Variants in CSMD3 observed in about 807,000 individuals in gnomAD.
CSMD3 encodes the protein CUB and Sushi multiple domains 3, also known as CUB and sushi domain-containing protein 3.
A neutral mutation model predicts 435.2 loss-of-function variants in CSMD3; 177 were observed. The ratio of observed to expected loss-of-function variants is 0.41; its 90% CI spans 0.36 to 0.46. CSMD3 has a LOEUF of 0.46. Ranked by LOEUF, CSMD3 falls within the 20% of genes least tolerant of loss-of-function variation. CSMD3 has a pLI of 0.34. For synonymous variants in CSMD3, 1,656 were observed against 1,520.5 expected (o/e 1.09, Z -2.07); for missense variants, 4,265 against 4,504.6 (o/e 0.95, Z 1.52).
chr8:112,679,986 C>T (rs920679866), intron 16 of CSMD3, among the ~76,000 whole-genome samples: 1 of 152,204 alleles, frequency 6.6e-6, no homozygotes, highest in African/African-American at 2.4e-5. Flanking sequence ...TCCTCCCCTG[C>T]AGTCACACTG....
At chr8:112,770,386 A>G (rs1347328040) in intron 13 of CSMD3, among the ~76,000 whole-genome samples, 2 of 152,022 alleles carry the variant, frequency 1.3e-5, no homozygotes, top group Non-Finnish European at 2.9e-5. Context: ...GAAGCGTTCA[A>G]GGCACCATCT....
chr8:113,426,467 A>G (rs970378498), intron 1 of CSMD3, among the ~76,000 whole-genome samples: 2 of 151,278 alleles, frequency 1.3e-5, no homozygotes, highest in Non-Finnish European at 3.0e-5. Context: ...CAAATAAGAT[A>G]ACTCCCATAA....
intron 1 of CSMD3, among the ~76,000 whole-genome samples, chr8:113,350,418 A>C (rs1182490746): frequency 1.3e-5 from 2 of 152,130 alleles, no homozygotes; most frequent in Non-Finnish European, 2.9e-5. Flanking sequence ...AAGAACTGTT[A>C]TGGTGAATTA....
At chr8:112,917,722 T>C (rs2082615447) in intron 10 of CSMD3, among the ~76,000 whole-genome samples, 1 of 151,950 alleles carries the variant, frequency 6.6e-6, no homozygotes, top group Admixed American at 6.6e-5. Flanking sequence ...CGTATTGGAA[T>C]TGTAGAATAG....
At position 112,336,927 on chromosome 8, in the gene CSMD3, A is replaced by C. The variant is rs1037529398; in HGVS notation, c.6842-98T>G. 5 of 1,024,200 alleles carry C rather than the reference A, an allele frequency of 4.9e-6. No individual in the cohort carries two copies. The Middle Eastern group carries it at 7.8e-4, about 160-fold the overall frequency. The allele number at this position is 1,024,200 out of a possible 1,614,324, so 63.4% of individuals were successfully genotyped here. On this transcript the variant is annotated intron_variant, in intron 43 of 70. Coordinates refer to ENST00000297405, the MANE Select transcript of CSMD3 (RefSeq NM_198123.2). ...ATTTCACATATCTTAAGCATTATGA[A>C]ACACATTTATGCCTTGTTTTTACTT...
At chr8:112,316,682 T>C (rs1794797909) in intron 47 of CSMD3, among the ~76,000 whole-genome samples, 1 of 151,854 alleles carries the variant, frequency 6.6e-6, no homozygotes, top group South Asian at 2.1e-4. Flanking sequence ...TTTATCCCCA[T>C]TGTACATATG....
intron 13 of CSMD3, among the ~76,000 whole-genome samples, chr8:112,729,611 A>G (rs930289815): frequency 6.6e-6 from 1 of 152,124 alleles, no homozygotes; most frequent in Admixed American, 6.6e-5. Context: ...ATAATCCTGA[A>G]TTATCTGTGT....
At chr8:113,200,401 A>C (rs1472573089) in intron 3 of CSMD3, among the ~76,000 whole-genome samples, 3 of 151,738 alleles carry the variant, frequency 2.0e-5, no homozygotes, top group Non-Finnish European at 4.4e-5. Context: ...CTACATAGCA[A>C]GAGTGATAAT....
At chr8:112,737,652 T>G (rs548169431) in intron 13 of CSMD3, among the ~76,000 whole-genome samples, 1 of 151,944 alleles carries the variant, frequency 6.6e-6, no homozygotes, top group Non-Finnish European at 1.5e-5. Context: ...TAAATCATAT[T>G]GTCACCTTAA....
rs113949447 is a variant in CSMD3, at chr8:112,337,512, C to A, written c.6841+31G>T. On this transcript the variant is annotated intron_variant, in intron 43 of 70. Coordinates refer to ENST00000297405, the MANE Select transcript of CSMD3 (RefSeq NM_198123.2). ...ACAATATTAAAAACAGATGACATCA[C>A]CTAAAAGATAGCTTCAAGTTAGAAG... is the stretch of plus-strand genomic sequence containing the variant. 7.9e-5 allele frequency: 124 copies of A among 1,565,248 alleles called. No individual in the cohort carries two copies. In the African/African-American group the frequency reaches 1.4e-3, roughly 18 times the overall value.
At chr8:113,272,135 G>A (rs1399275754) in intron 3 of CSMD3, among the ~76,000 whole-genome samples, 3 of 152,126 alleles carry the variant, frequency 2.0e-5, no homozygotes, top group Non-Finnish European at 4.4e-5. Flanking sequence ...TGGGCTCATA[G>A]GTGCAAGCGA....
chr8:112,924,320 G>A (rs1407378670), intron 9 of CSMD3, among the ~76,000 whole-genome samples: 1 of 152,178 alleles, frequency 6.6e-6, no homozygotes, highest in Non-Finnish European at 1.5e-5. Flanking sequence ...TAGAAAAGTA[G>A]TAGCTACAAG....
At chr8:112,664,581 G>T (rs909054136) in intron 17 of CSMD3, among the ~76,000 whole-genome samples, 2 of 152,198 alleles carry the variant, frequency 1.3e-5, no homozygotes, top group Middle Eastern at 3.4e-3. Flanking sequence ...TATTGTTGTG[G>T]GCTAAATTGT....
chr8:112,942,084 G>A (rs1220805565), intron 9 of CSMD3, among the ~76,000 whole-genome samples: 2 of 151,014 alleles, frequency 1.3e-5, no homozygotes, highest in Non-Finnish European at 3.0e-5. Context: ...TATGTCCCCT[G>A]TGCACCCTCT....
chr8:113,095,282 T>C (rs1405942818), intron 5 of CSMD3, among the ~76,000 whole-genome samples: 1 of 152,070 alleles, frequency 6.6e-6, no homozygotes, highest in African/African-American at 2.4e-5. Context: ...TATAATAAGC[T>C]CCAAAAAAGG....
chr8:113,346,145 C>G (rs67798962), intron 1 of CSMD3, among the ~76,000 whole-genome samples: 17,156 of 151,976 alleles, frequency 0.11, 1,043 homozygotes, highest in Middle Eastern at 0.18. Context: ...ACTGGAAGAT[C>G]AATAGAGATA....
intron 31 of CSMD3, among the ~76,000 whole-genome samples, chr8:112,489,067 C>T (rs535606927): frequency 5.3e-5 from 8 of 152,104 alleles, no homozygotes; most frequent in South Asian, 2.1e-4. Context: ...TTTGTTTTTA[C>T]GAACAATGAA....
chr8:112,886,380 G>T (rs1463749171), intron 10 of CSMD3, among the ~76,000 whole-genome samples: 1 of 150,264 alleles, frequency 6.7e-6, no homozygotes, highest in African/African-American at 2.4e-5. Flanking sequence ...AAAAGAAAAT[G>T]AGCAAATTTT....
chr8:113,054,227 T>A (rs1162385032), intron 5 of CSMD3, among the ~76,000 whole-genome samples: 1 of 152,210 alleles, frequency 6.6e-6, no homozygotes, highest in Non-Finnish European at 1.5e-5. Flanking sequence ...GAAAAATATC[T>A]AATTTTATTC....
Sources: allele counts gnomAD v4.1 joint callset (sites outside exome capture counted in the v4.1 genomes callset), GRCh38; gene constraint gnomAD v4.1.1; transcripts MANE v1.5; gene names NCBI Gene and HGNC (gene_info 2026-07-23, HGNC 2026-07-21).